PDZD2: variants seen among roughly 807,000 people sequenced by gnomAD.
The protein encoded by PDZD2 is PDZ domain containing 2.
PDZD2 carries 90 observed loss-of-function variants against 220.7 expected under a neutral mutation model. That is an observed-to-expected ratio of 0.41 (90% CI 0.34 to 0.49). PDZD2 has a LOEUF of 0.49. Ranked by LOEUF, PDZD2 falls within the 20% of genes least tolerant of loss-of-function variation. The probability of loss-of-function intolerance (pLI) is 0.28; values close to 1 mark genes in which losing one functional copy is unlikely to be tolerated. For synonymous variants in PDZD2, 1,375 were observed against 1,450.5 expected (o/e 0.95, Z 1.18); for missense variants, 3,174 against 3,608.5 (o/e 0.88, Z 3.08).
chr5:31,898,767 C>T (rs7730042), intron 2 of PDZD2, among the ~76,000 whole-genome samples: 89,286 of 150,550 alleles, frequency 0.59, 27,976 homozygotes, highest in Middle Eastern at 0.73. Context: ...TCATCCAGGA[C>T]GGCTTTGGGA....
At chr5:31,655,482 TATATC>T (rs1050557768) in intron 1 of PDZD2, among the ~76,000 whole-genome samples, 6 of 152,122 alleles carry the variant, frequency 3.9e-5, no homozygotes, top group South Asian at 4.1e-4. Context: ...AGTTTTTTAA[TATATC>T]ATATATTTTA....
intron 6 of PDZD2, among the ~76,000 whole-genome samples, chr5:32,024,690 A>AAAAAAAAG (rs1273156712): frequency 2.7e-4 from 28 of 105,198 alleles, no homozygotes; most frequent in African/African-American, 8.0e-4. Context: ...CTCAAAAAAA[A>AAAAAAAAG]AAAGAAAGAA....
intron 1 of PDZD2, among the ~76,000 whole-genome samples, chr5:31,702,241 T>G (rs1367843835): frequency 1.3e-5 from 2 of 152,228 alleles, no homozygotes; most frequent in Non-Finnish European, 2.9e-5. Flanking sequence ...TTGTCTCATA[T>G]AATCTTTAAG....
intron 2 of PDZD2, among the ~76,000 whole-genome samples, chr5:31,917,547 C>G (rs1441898351): frequency 6.6e-6 from 1 of 151,996 alleles, no homozygotes; most frequent in African/African-American, 2.4e-5. Context: ...CATTAAATAT[C>G]CCTTTCCATT....
At chr5:31,819,656 C>A (rs373830021) in intron 2 of PDZD2, among the ~76,000 whole-genome samples, 1,405 of 110,222 alleles carry the variant, frequency 0.013, no homozygotes, top group East Asian at 0.022. Context: ...GACTCTGTCT[C>A]AAAAAAAAAA....
chr5:32,076,651 T>C (rs559065471), intron 18 of PDZD2, among the ~76,000 whole-genome samples: 16 of 152,354 alleles, frequency 1.1e-4, no homozygotes, highest in South Asian at 1.0e-3. Context: ...AACATGAAAT[T>C]AACCATTTTG....
intron 5 of PDZD2, among the ~76,000 whole-genome samples, chr5:32,005,404 G>C (rs16901735): frequency 6.6e-6 from 1 of 151,978 alleles, no homozygotes; most frequent in Non-Finnish European, 1.5e-5. Context: ...ATACAAGTTA[G>C]TTTTGATATG....
intron 5 of PDZD2, among the ~76,000 whole-genome samples, chr5:32,003,945 C>T (rs1332571581): frequency 2.0e-5 from 3 of 152,282 alleles, no homozygotes; most frequent in Middle Eastern, 3.4e-3. Context: ...CTCCTGACCT[C>T]AGGTGATCCA....
chr5:32,021,889 G>C (rs1285829421), intron 6 of PDZD2, among the ~76,000 whole-genome samples: 1 of 152,090 alleles, frequency 6.6e-6, no homozygotes, highest in Non-Finnish European at 1.5e-5. Flanking sequence ...CTCCTCTTTA[G>C]CTCCTGGGGC....
intron 2 of PDZD2, among the ~76,000 whole-genome samples, chr5:31,845,372 G>A (rs1444690953): frequency 1.3e-5 from 2 of 152,096 alleles, no homozygotes; most frequent in Admixed American, 6.5e-5. Flanking sequence ...ATTCCACTAC[G>A]TCTCCACACT....
At chr5:32,013,008 A>G (rs1297279665) in intron 6 of PDZD2, among the ~76,000 whole-genome samples, 1 of 152,126 alleles carries the variant, frequency 6.6e-6, no homozygotes, top group Non-Finnish European at 1.5e-5. Flanking sequence ...TAAATCACCA[A>G]CAATTCTGTA....
chr5:31,995,552 G>A lies in PDZD2; in HGVS notation c.979-24G>A, dbSNP rs768841403. ...CCGTGTGTCTGTCAACCTCCTTCAT[G>A]GTGTGCTCACTTTTTCTTCCAAGGA... On this transcript the variant is annotated intron_variant, in intron 3 of 24. Coordinates refer to ENST00000438447, the MANE Select transcript of PDZD2 (RefSeq NM_178140.4). 4.3e-6 allele frequency: 7 copies of A among 1,613,590 alleles called. No homozygotes were observed. In the Admixed American group the frequency reaches 1.0e-4, roughly 23 times the overall value.
In PDZD2 at chr5:32,088,538, C is replaced by T; in HGVS notation, c.5090C>T (p.Thr1697Ile). 1.2e-6 allele frequency: 2 copies of T among 1,614,090 alleles called. No homozygotes were observed. Among genetic ancestry groups the T allele is most frequent in the Non-Finnish European group, 8.5e-7 (1 of 1,179,938 alleles). Residue 1697 changes from threonine to isoleucine, a missense_variant, in exon 20 of 25, where the codon ACA becomes ATA. Physicochemically the swap from Thr to Ile is moderately conservative, Grantham distance 89. This residue lies in a region of PDZD2 where 1,861 missense variants were observed against 2,001.0 expected (regional missense o/e 0.93). Coordinates refer to ENST00000438447, the MANE Select transcript of PDZD2 (RefSeq NM_178140.4). This position sits in a 1 kb window ranked among gnomAD's most constrained non-coding sequence, Gnocchi z 4.6. ...NHRPSCAEETTEVTSASSAME... is the reference protein window; with the variant it reads ...NHRPSCAEETIEVTSASSAME... Reference sequence around the variant, plus strand: ...AGGCCCTCGTGTGCAGAAGAAACCACAGAAGTCACCAGCGCTAGCTCAGCC... The same window carrying T: ...AGGCCCTCGTGTGCAGAAGAAACCATAGAAGTCACCAGCGCTAGCTCAGCC...
At position 31,924,520 on chromosome 5, in the gene PDZD2, G is replaced by A. The variant is rs1468170664; in HGVS notation, c.477-58635G>A. ...CATGGTGATAGGTCCCTGTGGAAAC[G>A]CTGGAGTCCTCACTGCCTTTATCCA... is the stretch of plus-strand genomic sequence containing the variant. On this transcript the variant is annotated intron_variant, in intron 2 of 24. Transcript: ENST00000438447. 2.0e-5 allele frequency among the ~76,000 whole-genome samples: 3 copies of A among 152,288 alleles called. No individual in the cohort carries two copies. The East Asian group carries it at 5.8e-4, about 29-fold the overall frequency.
In PDZD2 at chr5:31,646,844, G is replaced by C. The variant is rs540555790; in HGVS notation, c.-361+7407G>C. Among the ~76,000 whole-genome samples the C allele has an allele frequency of 6.6e-6, 1 of 152,110 alleles. No homozygotes were observed. The highest frequency in any genetic ancestry group is 1.5e-5 in the Non-Finnish European group (1 of 68,014). ...CCTTAATTCCCAGTATCATTAGGCC[G>C]AAAGAAGGGACAGCTGTCTCCAGAA... On this transcript the variant is annotated intron_variant, in intron 1 of 24. Transcript: ENST00000438447. This position sits in a 1 kb window ranked among gnomAD's most constrained non-coding sequence, Gnocchi z 4.7.
intron 1 of PDZD2, among the ~76,000 whole-genome samples, chr5:31,743,024 G>A (rs1750360397): frequency 6.6e-6 from 1 of 152,286 alleles, no homozygotes; most frequent in Middle Eastern, 3.4e-3. Context: ...TGATTAGCCA[G>A]TCCATCTTCA....
rs149735833 is a variant in PDZD2 at position 31,690,816 on chromosome 5, G to T, written c.-361+51379G>T. On this transcript the variant is annotated intron_variant, in intron 1 of 24. Coordinates refer to ENST00000438447, the MANE Select transcript of PDZD2 (RefSeq NM_178140.4). Reference sequence around the variant, plus strand: ...AAATAATGTAACATTCACAGGTTCTGGGAATTAGGATGCAAACATATTTTT... The same window carrying T: ...AAATAATGTAACATTCACAGGTTCTTGGAATTAGGATGCAAACATATTTTT... 1.4e-3 allele frequency among the ~76,000 whole-genome samples: 214 copies of T among 152,322 alleles called. 1 individual carries two copies. Among genetic ancestry groups the T allele is most frequent in the African/African-American group, 5.1e-3 (210 of 41,576 alleles).
chr5:31,803,478 T>C (rs1203095002), intron 2 of PDZD2, among the ~76,000 whole-genome samples: 5 of 151,582 alleles, frequency 3.3e-5, no homozygotes, highest in Admixed American at 1.3e-4. Flanking sequence ...GTGCTTAGGA[T>C]TGGATAGTTT....
At chr5:31,730,389 A>G (rs984440059) in intron 1 of PDZD2, among the ~76,000 whole-genome samples, 5 of 152,188 alleles carry the variant, frequency 3.3e-5, no homozygotes, top group Non-Finnish European at 7.3e-5. Context: ...CACAGGACCT[A>G]ACTGTATTGT....
Sources: gnomAD v4.1 joint callset for allele counts (sites outside exome capture counted in the v4.1 genomes callset) on GRCh38, gnomAD v4.1.1 for gene constraint, gnomAD v4.1.1 regional missense constraint, Gnocchi (gnomAD v3.1) non-coding constraint, MANE v1.5 for transcripts, NCBI Gene and HGNC (gene_info 2026-07-23, HGNC 2026-07-21) for gene names.